The following ANKRD31 variants were observed in gnomAD, a reference collection of about 807,000 sequenced individuals.
ANKRD31 encodes ankyrin repeat domain 31, also known as ankyrin repeat domain-containing protein 31.
In ANKRD31, 147 loss-of-function variants were observed where a neutral mutation model predicts 186.0. The observed-to-expected ratio is 0.79, with a 90% CI of 0.69 to 0.91. The LOEUF is 0.91. ANKRD31 is among the 40% of genes least tolerant of loss of function. The probability of loss-of-function intolerance (pLI) is 0.00; values close to 1 mark genes in which losing one functional copy is unlikely to be tolerated. For missense variants in ANKRD31, 1,986 were observed against 2,148.8 expected (o/e 0.92, Z 1.50); for synonymous variants, 673 against 736.4 (o/e 0.91, Z 1.39).
chr5:75,134,833 T>C (rs1247598966), intron 17 of ANKRD31, among the ~76,000 whole-genome samples: 1 of 152,054 alleles, frequency 6.6e-6, no homozygotes, highest in Middle Eastern at 3.2e-3. Context: ...TCAAGTGGGC[T>C]TCATCCCTGG....
At chr5:75,135,463 T>A (rs1427331107) in intron 17 of ANKRD31, among the ~76,000 whole-genome samples, 6 of 151,464 alleles carry the variant, frequency 4.0e-5, no homozygotes, top group Non-Finnish European at 7.4e-5. Flanking sequence ...TTACAAGGGA[T>A]GTGAAGGGCC....
At chr5:75,116,542 C>T (rs565934535) in intron 19 of ANKRD31, 24 bp downstream of exon 19, 12 of 1,322,958 alleles carry the variant, frequency 9.1e-6, no homozygotes, top group African/African-American at 8.9e-5. Flanking sequence ...AGATGAAGAA[C>T]AAAGTAATTT....
chr5:75,196,226 T>A (rs1293741534), intron 6 of ANKRD31, 26 bp from the exon 7 acceptor site: 1 of 1,412,172 alleles, frequency 7.1e-7, no homozygotes, highest in South Asian at 1.6e-5. Context: ...AGAAATTACA[T>A]CATTACAGCA....
chr5:75,102,866 C>G (rs1039204585), intron 22 of ANKRD31, among the ~76,000 whole-genome samples: 26 of 152,238 alleles, frequency 1.7e-4, no homozygotes, highest in Admixed American at 1.5e-3. Context: ...AATTCCCGGA[C>G]CCCTTGCACT....
chr5:75,125,051 C>T (rs1463827131), intron 17 of ANKRD31, among the ~76,000 whole-genome samples: 1 of 152,088 alleles, frequency 6.6e-6, no homozygotes, highest in Non-Finnish European at 1.5e-5. Context: ...ACATCCTTGG[C>T]CAAGTTACTT....
intron 6 of ANKRD31, among the ~76,000 whole-genome samples, chr5:75,196,498 G>A (rs1755475889): frequency 6.6e-6 from 1 of 152,304 alleles, no homozygotes; most frequent in African/African-American, 2.4e-5. Context: ...AACAGAAGAA[G>A]CAGAGATGGC....
chr5:75,235,336 G>A lies in ANKRD31; in HGVS notation c.104+1247C>T, dbSNP rs77260016. Among the ~76,000 whole-genome samples, 54 of 144,980 alleles carry A rather than the reference G, an allele frequency of 3.7e-4. No individual in the cohort carries two copies. The East Asian group carries it at 0.011, about 29-fold the overall frequency. On this transcript the variant is annotated intron_variant, in intron 1 of 25. Coordinates refer to ENST00000506364, the MANE Select transcript of ANKRD31 (RefSeq NM_001372053.1). Reference sequence around the variant, plus strand: ...TTTTGGCTCATAGCAACCTCTGCCTGTTTCTCATTACAACCAAAAACTCCG... The same window carrying A: ...TTTTGGCTCATAGCAACCTCTGCCTATTTCTCATTACAACCAAAAACTCCG...
chr5:75,158,509 T>C (rs749279292), intron 11 of ANKRD31, among the ~76,000 whole-genome samples: 2 of 152,152 alleles, frequency 1.3e-5, no homozygotes, highest in African/African-American at 2.4e-5. Context: ...CCGGATGTAG[T>C]GGCTCATGCC....
chr5:75,106,679 G>A (rs771682538), intron 21 of ANKRD31, among the ~76,000 whole-genome samples: 9 of 151,776 alleles, frequency 5.9e-5, no homozygotes, highest in Admixed American at 1.3e-4. Context: ...GGACACTAAA[G>A]GAAATTCAAG....
Position 75,222,272 on chromosome 5 carries a change from G to A in ANKRD31, c.265C>T (p.Leu89Phe), listed in dbSNP as rs1224614716. 2 of 1,536,078 alleles carry A rather than the reference G, an allele frequency of 1.3e-6. No homozygotes were observed. Among genetic ancestry groups the A allele is most frequent in the Non-Finnish European group, 1.7e-6 (2 of 1,146,112 alleles). The change falls in exon 3 of 26, where the codon CTT becomes TTT. Residue 89 changes from leucine (L) to phenylalanine (F), a missense_variant. Physicochemically the swap from Leu to Phe is conservative, Grantham distance 22. Transcript: ENST00000506364. The stretch of plus-strand genomic sequence containing the variant: ...ACCTGTAATATTGTATCCTCGCTAA[G>A]AACAGGCATCATCTTATTTTTATTC... ...QMNKNKMMPV[L>F]SEDTILQSQD...
At chr5:75,090,957 A>C (rs1253533170) in intron 23 of ANKRD31, among the ~76,000 whole-genome samples, 1 of 152,218 alleles carries the variant, frequency 6.6e-6, no homozygotes, top group Non-Finnish European at 1.5e-5. Context: ...TTGGGAGATC[A>C]AATGGGAAGA....
At chr5:75,224,140 T>TATATATAC (rs1561550008) in intron 2 of ANKRD31, among the ~76,000 whole-genome samples, 2 of 60,038 alleles carry the variant, frequency 3.3e-5, no homozygotes, top group African/African-American at 1.3e-4. Context: ...TATATATATA[T>TATATATAC]ATATATATAT....
At chr5:75,091,210 G>A in intron 23 of ANKRD31, 51 bp downstream of exon 23, 7 of 1,488,718 alleles carry the variant, frequency 4.7e-6, no homozygotes, top group Non-Finnish European at 6.2e-6. Context: ...ACAAAAATAT[G>A]TACTTTTCCA....
chr5:75,114,603 T>C (rs536306320), intron 19 of ANKRD31, among the ~76,000 whole-genome samples: 3 of 152,268 alleles, frequency 2.0e-5, no homozygotes, highest in Non-Finnish European at 2.9e-5. Context: ...AGCATTCTTA[T>C]ACACCAACAA....
chr5:75,181,512 T>G (rs1374096613), intron 10 of ANKRD31, among the ~76,000 whole-genome samples: 4 of 151,928 alleles, frequency 2.6e-5, no homozygotes, highest in Non-Finnish European at 5.9e-5. Context: ...TAGATTGGAT[T>G]AAGAAAATGT....
intron 22 of ANKRD31, among the ~76,000 whole-genome samples, chr5:75,094,922 T>C (rs1746198370): frequency 6.6e-6 from 1 of 152,054 alleles, no homozygotes; most frequent in East Asian, 1.9e-4. Context: ...AAAAGAGAAA[T>C]TGTTACAAGA....
chr5:75,149,071 A>G (rs1751682630), intron 12 of ANKRD31, among the ~76,000 whole-genome samples: 2 of 151,936 alleles, frequency 1.3e-5, no homozygotes, highest in African/African-American at 4.8e-5. Context: ...CTTTAAAGTA[A>G]AACATACACA....
chr5:75,167,234 TC>T (rs1752994938), intron 11 of ANKRD31, among the ~76,000 whole-genome samples: 1 of 152,116 alleles, frequency 6.6e-6, no homozygotes, highest in Admixed American at 6.6e-5. Context: ...TTAGTATCTC[TC>T]CCATAAAACA....
chr5:75,120,390 A>G (rs1276755849), intron 17 of ANKRD31, among the ~76,000 whole-genome samples: 1 of 152,194 alleles, frequency 6.6e-6, no homozygotes, highest in East Asian at 1.9e-4. Flanking sequence ...AAATTATAGT[A>G]TAAGTCAATT....
Sources: allele counts gnomAD v4.1 joint callset (sites outside exome capture counted in the v4.1 genomes callset), GRCh38; gene constraint gnomAD v4.1.1; transcripts MANE v1.5; gene names NCBI Gene and HGNC (gene_info 2026-07-23, HGNC 2026-07-21).